The following GPATCH1 variants were observed in gnomAD, a reference collection of about 807,000 sequenced individuals.
The protein encoded by GPATCH1 is G-patch domain containing 1, also known as G patch domain-containing protein 1.
A neutral mutation model predicts 114.9 loss-of-function variants in GPATCH1; 73 were observed. That is an observed-to-expected ratio of 0.64 (90% CI 0.53 to 0.77). The LOEUF is 0.77. Ranked by LOEUF, GPATCH1 falls within the 30% of genes least tolerant of loss-of-function variation. GPATCH1 has a pLI of 0.00. For missense variants in GPATCH1, 1,058 were observed against 1,144.3 expected (o/e 0.92, Z 1.09); for synonymous variants, 391 against 428.4 (o/e 0.91, Z 1.08).
intron 2 of GPATCH1, among the ~76,000 whole-genome samples, chr19:33,088,949 G>T (rs751414428): frequency 5.9e-5 from 9 of 152,120 alleles, no homozygotes; most frequent in African/African-American, 2.2e-4. Flanking sequence ...GAGCCACTGC[G>T]CTCAGCTTTC....
chr19:33,089,249 G>A (rs1014237958), intron 2 of GPATCH1, among the ~76,000 whole-genome samples: 2 of 152,168 alleles, frequency 1.3e-5, no homozygotes, highest in Non-Finnish European at 2.9e-5. Flanking sequence ...TGCAGATGAT[G>A]CCACCAAGGG....
intron 9 of GPATCH1, among the ~76,000 whole-genome samples, chr19:33,103,498 C>T (rs919553224): frequency 1.1e-4 from 16 of 151,964 alleles, no homozygotes; most frequent in African/African-American, 3.6e-4. Flanking sequence ...GTCAGGAGTT[C>T]GAGACCAACC....
chr19:33,099,765 ATT>A (rs35230371), intron 8 of GPATCH1, among the ~76,000 whole-genome samples: 43 of 118,260 alleles, frequency 3.6e-4, no homozygotes, highest in Middle Eastern at 4.8e-3. Flanking sequence ...CGCCCAGCTA[ATT>A]TTTTTTTTTT....
intron 17 of GPATCH1, among the ~76,000 whole-genome samples, chr19:33,123,687 G>A (rs1973009784): frequency 6.6e-6 from 1 of 151,928 alleles, no homozygotes; most frequent in Non-Finnish European, 1.5e-5. Context: ...GGTCAAGGCT[G>A]TAATGAGCTG....
intron 9 of GPATCH1, among the ~76,000 whole-genome samples, chr19:33,102,163 A>G (rs772503863): frequency 6.6e-6 from 1 of 151,656 alleles, no homozygotes; most frequent in Non-Finnish European, 1.5e-5. Flanking sequence ...GCAAAACCCC[A>G]TCTCTACTAA....
At chr19:33,122,980 G>A (rs1973001930) in intron 17 of GPATCH1, among the ~76,000 whole-genome samples, 1 of 151,910 alleles carries the variant, frequency 6.6e-6, no homozygotes, top group African/African-American at 2.4e-5. Flanking sequence ...GCTGAAGTGG[G>A]AGGATTGCTT....
In GPATCH1 at chr19:33,094,255, G is replaced by A. The variant is rs776684939; in HGVS notation, c.539G>A (p.Arg180His). Residue 180 changes from arginine to histidine, a missense_variant, in exon 5 of 20, where the codon CGC becomes CAC. Physicochemically the swap from Arg to His is conservative, Grantham distance 29 (BLOSUM62 0). This residue lies in a region of GPATCH1 where 893 missense variants were observed against 977.4 expected (regional missense o/e 0.91). Transcript: ENST00000170564. The stretch of plus-strand genomic sequence containing the variant: ...GGTCCTCGAGTAAAGAGACGGCCAC[G>A]CCGACAGAAACCTGGTGTGTATGTT... ...GVGPRVKRRP[R>H]RQKPDPGVKI... 12 of 1,584,510 alleles carry A rather than the reference G, an allele frequency of 7.6e-6. No individual in the cohort carries two copies. Among genetic ancestry groups the A allele is most frequent in the African/African-American group, 1.3e-5 (1 of 74,422 alleles).
chr19:33,110,121 A>C, intron 11 of GPATCH1, 105 bp downstream of exon 11: 1 of 1,045,544 alleles, frequency 9.6e-7, no homozygotes, highest in Non-Finnish European at 1.4e-6. Context: ...CTGTTCTGTC[A>C]GTGTTTTTGC....
intron 17 of GPATCH1, among the ~76,000 whole-genome samples, chr19:33,120,059 TTA>T (rs1335692729): frequency 8.6e-4 from 114 of 132,844 alleles, no homozygotes; most frequent in Non-Finnish European, 1.5e-3. Context: ...ATATTTATAC[TTA>T]TATATATATA....
chr19:33,082,508 T>C (rs1335388710), intron 1 of GPATCH1, among the ~76,000 whole-genome samples: 10 of 152,128 alleles, frequency 6.6e-5, no homozygotes, highest in Admixed American at 5.9e-4. Flanking sequence ...GGTGGAAACT[T>C]CTGCTGGATA....
At chr19:33,096,904 C>T (rs1297232676) in intron 7 of GPATCH1, among the ~76,000 whole-genome samples, 1 of 151,518 alleles carries the variant, frequency 6.6e-6, no homozygotes, top group Non-Finnish European at 1.5e-5. Flanking sequence ...GCTAGGATTA[C>T]AGGCATGAGC....
Position 33,128,720 on chromosome 19 carries a change from A to G in GPATCH1, c.2766-1410A>G, listed in dbSNP as rs368349383. 2.6e-4 allele frequency among the ~76,000 whole-genome samples: 39 copies of G among 150,852 alleles called. No individual in the cohort carries two copies. The East Asian group carries it at 7.3e-3, about 28-fold the overall frequency. The stretch of plus-strand genomic sequence containing the variant: ...TTATTGGGAAGAAGGGTGTTGTGTG[A>G]ATTCTTTGAGTGTCTGGCTTCTGAG... On this transcript the variant is annotated intron_variant, in intron 19 of 19. Transcript: ENST00000170564.
At position 33,113,916 on chromosome 19, in the gene GPATCH1, TC is replaced by T; in HGVS notation, c.2029+17del. The T allele has an allele frequency of 6.2e-7, 1 of 1,612,494 alleles. No individual in the cohort carries two copies. The highest frequency in any genetic ancestry group is 8.5e-7 in the Non-Finnish European group (1 of 1,179,060). ...CGAGGTCCCGACAGTGAGTAGGGCG[TC>T]CCCGGGGTCTCTGATTGACCAGGGC... On this transcript the variant is annotated intron_variant, in intron 14 of 19. Transcript: ENST00000170564.
chr19:33,111,372 A>T (rs911297085), intron 11 of GPATCH1, among the ~76,000 whole-genome samples: 2 of 133,186 alleles, frequency 1.5e-5, no homozygotes, highest in Non-Finnish European at 3.0e-5. Flanking sequence ...AGACAGAGTG[A>T]GACTCCATCT....
At chr19:33,126,955 AAAAC>A (rs141950830) in intron 19 of GPATCH1, among the ~76,000 whole-genome samples, 22 of 151,510 alleles carry the variant, frequency 1.5e-4, no homozygotes, top group South Asian at 2.1e-4. Flanking sequence ...CAGCTCTACA[AAAAC>A]AAACAAACAA....
intron 17 of GPATCH1, among the ~76,000 whole-genome samples, chr19:33,120,331 A>G (rs1599866015): frequency 7.1e-6 from 1 of 140,548 alleles, no homozygotes; most frequent in African/African-American, 2.7e-5. Context: ...TGATATATAA[A>G]ATTATATATA....
intron 1 of GPATCH1, among the ~76,000 whole-genome samples, chr19:33,087,785 G>A (rs1001178136): frequency 1.3e-5 from 2 of 151,218 alleles, no homozygotes; most frequent in Non-Finnish European, 2.9e-5. Flanking sequence ...TCGGGTTCAA[G>A]CGATTCTCCT....
intron 7 of GPATCH1, 100 bp from the exon 8 acceptor site, chr19:33,097,653 GCT>G: frequency 9.5e-7 from 1 of 1,055,032 alleles, no homozygotes; most frequent in Non-Finnish European, 1.4e-6. Context: ...ATCTTGAAGT[GCT>G]AACATGGTTT....
rs1414104313 is a variant in GPATCH1, at chr19:33,113,861, C to G, written c.1987C>G (p.Gln663Glu). The G allele has an allele frequency of 3.1e-6, 5 of 1,613,976 alleles. No individual in the cohort carries two copies. In the Admixed American group the frequency reaches 5.0e-5, roughly 16 times the overall value. ...LPETASLPTT[Q>E]ASSEKVSQHR... ...AGAGACAGCTTCCTTGCCCACCACT[C>G]AAGCATCAAGTGAAAAAGTATCACA... Residue 663 changes from glutamine (Q) to glutamate (E), a missense_variant, in exon 14 of 20, where the codon CAA becomes GAA. Around this residue, in one of 3 missense-constraint regions of GPATCH1, gnomAD observed 893 missense variants for 977.4 expected, o/e 0.91. Transcript: ENST00000170564.
Sources: allele counts gnomAD v4.1 joint callset (sites outside exome capture counted in the v4.1 genomes callset), GRCh38; gene constraint gnomAD v4.1.1; regional missense constraint gnomAD v4.1.1; transcripts MANE v1.5; gene names NCBI Gene and HGNC (gene_info 2026-07-23, HGNC 2026-07-21).